The following PTPRT variants were observed in gnomAD, a reference collection of about 807,000 sequenced individuals.
PTPRT encodes the protein protein tyrosine phosphatase receptor type T, also known as receptor-type tyrosine-protein phosphatase T.
A neutral mutation model predicts 176.8 loss-of-function variants in PTPRT; 56 were observed. The ratio of observed to expected loss-of-function variants is 0.32; its 90% CI spans 0.26 to 0.40. The LOEUF (loss-of-function observed/expected upper bound fraction) is 0.40. Ranked by LOEUF, PTPRT falls within the 10% of genes least tolerant of loss-of-function variation. The pLI is 1.00. For synonymous variants in PTPRT, 783 were observed against 739.0 expected, an observed-to-expected ratio of 1.06 and a Z score of -0.96; for missense variants, 1,540 against 1,908.2, an observed-to-expected ratio of 0.81 and a Z score of 3.60.
At chr20:42,208,481 A>T (rs1373003045) in intron 15 of PTPRT, among the ~76,000 whole-genome samples, 2 of 152,102 alleles carry the variant, frequency 1.3e-5, no homozygotes, top group African/African-American at 4.8e-5. Flanking sequence ...AAAAAAAGGC[A>T]GGGGTTGCAA....
rs2073878601 is a variant in PTPRT, at chr20:42,606,429, T to C, written c.1153+71437A>G. On this transcript the variant is annotated intron_variant, in intron 7 of 30. Transcript: ENST00000373187. ...ATTTCAGCAAAGAAAACAGCAATAA[T>C]TAATTCTGCCAATACTTTTTGAGCA... Among the ~76,000 whole-genome samples, 3 of 152,310 alleles carry C rather than the reference T, an allele frequency of 2.0e-5. 1 individual carries two copies. The South Asian group carries it at 6.2e-4, about 32-fold the overall frequency.
intron 12 of PTPRT, among the ~76,000 whole-genome samples, chr20:42,292,219 C>G (rs1444847467): frequency 6.6e-6 from 1 of 152,164 alleles, no homozygotes; most frequent in Non-Finnish European, 1.5e-5. Flanking sequence ...TGACTTTCTT[C>G]CATTGCACTG....
At chr20:42,048,701 A>G in the PTPRT span, among the ~76,000 whole-genome samples, 14 of 152,206 alleles carry the variant, frequency 9.2e-5, no homozygotes, top group Non-Finnish European at 1.5e-4. Flanking sequence ...CAGTCTTCCC[A>G]GCTAAAACCT....
chr20:42,486,203 A>G (rs2071461797), intron 7 of PTPRT, among the ~76,000 whole-genome samples: 1 of 152,228 alleles, frequency 6.6e-6, no homozygotes, highest in South Asian at 2.1e-4. Flanking sequence ...GTGAGACACA[A>G]TCCTAGCACA....
At chr20:42,878,183 A>G (rs891723612) in intron 2 of PTPRT, among the ~76,000 whole-genome samples, 3 of 152,382 alleles carry the variant, frequency 2.0e-5, no homozygotes, top group Admixed American at 2.0e-4. Context: ...AGTAACTGGA[A>G]AGGACTTAAA....
intron 6 of PTPRT, among the ~76,000 whole-genome samples, chr20:42,719,219 T>A (rs2076270737): frequency 6.6e-6 from 1 of 152,112 alleles, no homozygotes; most frequent in African/African-American, 2.4e-5. Context: ...GCGCAAGAGA[T>A]ATGGGTGTGG....
intron 7 of PTPRT, among the ~76,000 whole-genome samples, chr20:42,591,975 C>CTTTTTTT (rs71335866): frequency 1.4e-4 from 14 of 102,388 alleles, no homozygotes; most frequent in Non-Finnish European, 1.7e-4. Flanking sequence ...GCTGGAGATT[C>CTTTTTTT]TTTTTTTTTT....
chr20:42,107,703 A>G (rs981768127), intron 23 of PTPRT, among the ~76,000 whole-genome samples: 3 of 152,240 alleles, frequency 2.0e-5, no homozygotes, highest in African/African-American at 7.2e-5. Flanking sequence ...CAGCCTGTCA[A>G]GGAGGCCCCC....
chr20:42,285,287 C>A (rs1284890702), intron 12 of PTPRT, among the ~76,000 whole-genome samples: 4 of 151,838 alleles, frequency 2.6e-5, no homozygotes, highest in African/African-American at 9.7e-5. Flanking sequence ...GGGAGAGGTG[C>A]CAGGAGACTA....
chr20:42,881,324 A>C (rs1195532729), intron 2 of PTPRT, among the ~76,000 whole-genome samples: 1 of 152,190 alleles, frequency 6.6e-6, no homozygotes, highest in Non-Finnish European at 1.5e-5. Flanking sequence ...AACGATTTTG[A>C]AAGCAAAGAA....
intron 5 of PTPRT, among the ~76,000 whole-genome samples, chr20:42,768,189 A>G (rs1219526237): frequency 2.0e-5 from 3 of 152,148 alleles, no homozygotes; most frequent in African/African-American, 4.8e-5. Flanking sequence ...ATATTTAGGG[A>G]AGTTTCCTTG....
At chr20:42,639,095 T>A (rs1007299202) in intron 7 of PTPRT, among the ~76,000 whole-genome samples, 20 of 152,144 alleles carry the variant, frequency 1.3e-4, no homozygotes, top group Admixed American at 1.2e-3. Flanking sequence ...AAGTTGACCT[T>A]TAAATCTGAA....
intron 1 of PTPRT, among the ~76,000 whole-genome samples, chr20:43,038,382 T>C (rs1986469944): frequency 6.6e-6 from 1 of 152,170 alleles, no homozygotes. Flanking sequence ...ATACAATTTG[T>C]AAAAATAATA....
chr20:42,259,785 G>A (rs956204150), intron 13 of PTPRT, among the ~76,000 whole-genome samples: 5 of 152,214 alleles, frequency 3.3e-5, no homozygotes, highest in Admixed American at 1.3e-4. Flanking sequence ...TGCATCCATG[G>A]TGGGGTCAAA....
rs147277268 is a variant in PTPRT at position 42,223,237 on chromosome 20, C to T, written c.2342+12992G>A. Reference sequence around the variant, plus strand: ...ACTACAAGGTACTGAGCACCTACTACGCGCCAGATATAAAAACCAGATGTC... The same window carrying T: ...ACTACAAGGTACTGAGCACCTACTATGCGCCAGATATAAAAACCAGATGTC... On this transcript the variant is annotated intron_variant, in intron 15 of 30. Transcript: ENST00000373187. 1.6e-4 allele frequency among the ~76,000 whole-genome samples: 25 copies of T among 152,274 alleles called. No individual in the cohort carries two copies. The East Asian group carries it at 3.5e-3, about 21-fold the overall frequency.
chr20:42,905,125 C>A (rs2079457793), intron 1 of PTPRT, among the ~76,000 whole-genome samples: 3 of 152,174 alleles, frequency 2.0e-5, no homozygotes, highest in African/African-American at 7.2e-5. Context: ...TCAGAGTGAA[C>A]AGGCACCTAC....
chr20:43,070,319 G>A (rs946738641), intron 1 of PTPRT, among the ~76,000 whole-genome samples: 1 of 152,112 alleles, frequency 6.6e-6, no homozygotes, highest in Non-Finnish European at 1.5e-5. Context: ...AAAAAGTCAG[G>A]AAACAACAGG....
chr20:42,048,526 G>A, the PTPRT span, among the ~76,000 whole-genome samples: 2 of 152,274 alleles, frequency 1.3e-5, no homozygotes, highest in South Asian at 4.1e-4. Context: ...TGCTACGGCT[G>A]CCACGTCGTG....
At position 43,042,983 on chromosome 20, in the gene PTPRT, G is replaced by A. The variant is rs183338938; in HGVS notation, c.88+146663C>T. The stretch of plus-strand genomic sequence containing the variant: ...TTCAGTGCCAAGTATCCTATTGCCC[G>A]GTGTACTGGGCAATAGCCCATGGTC... On this transcript the variant is annotated intron_variant, in intron 1 of 30. Transcript: ENST00000373187. 2.7e-3 allele frequency among the ~76,000 whole-genome samples: 405 copies of A among 152,118 alleles called. 3 individuals carry two copies. Among genetic ancestry groups the A allele is most frequent in the Middle Eastern group, 3.4e-3 (1 of 294 alleles).
Sources: allele counts gnomAD v4.1 joint callset (sites outside exome capture counted in the v4.1 genomes callset), GRCh38; gene constraint gnomAD v4.1.1; transcripts MANE v1.5; gene names NCBI Gene and HGNC (gene_info 2026-07-23, HGNC 2026-07-21).